PATJ: variants seen among roughly 807,000 people sequenced by gnomAD.
PATJ encodes PATJ crumbs cell polarity complex component.
In PATJ, 190 loss-of-function variants were observed where a neutral mutation model predicts 224.9. That is an observed-to-expected ratio of 0.84 (90% confidence interval 0.75 to 0.95). The LOEUF (loss-of-function observed/expected upper bound fraction) is 0.95. PATJ is among the 40% of genes least tolerant of loss of function. The pLI, the probability that PATJ is intolerant of heterozygous loss-of-function variation, is 0.00. For synonymous variants in PATJ, 769 were observed against 820.3 expected, an observed-to-expected ratio of 0.94 and a Z score of 1.07; for missense variants, 2,121 against 2,270.3, an observed-to-expected ratio of 0.93 and a Z score of 1.34.
intron 20 of PATJ, among the ~76,000 whole-genome samples, chr1:61,873,682 G>A (rs1316333178): frequency 6.6e-6 from 1 of 152,204 alleles, no homozygotes; most frequent in African/African-American, 2.4e-5. Flanking sequence ...GCGGACAAAG[G>A]CTTAGGCAGA....
intron 27 of PATJ, among the ~76,000 whole-genome samples, chr1:61,971,612 C>CA (rs750372702): frequency 2.8e-4 from 42 of 151,636 alleles, no homozygotes; most frequent in Admixed American, 5.3e-4. Flanking sequence ...GATCCTGTCT[C>CA]AAAAAATAAA....
intron 30 of PATJ, among the ~76,000 whole-genome samples, chr1:62,043,497 T>C (rs1275565732): frequency 6.6e-6 from 1 of 152,188 alleles, no homozygotes; most frequent in Non-Finnish European, 1.5e-5. Flanking sequence ...TATTAAGTAA[T>C]GTTTATAAAA....
intron 29 of PATJ, 35 bp downstream of exon 29, chr1:62,017,982 G>T: frequency 8.7e-7 from 1 of 1,146,704 alleles, no homozygotes; most frequent in Non-Finnish European, 1.3e-6. Flanking sequence ...CAAAATCAAA[G>T]ACCTCTTCTG....
At chr1:61,766,258 C>CT (rs202091739) in intron 3 of PATJ, 21 bp from the exon 4 acceptor site, 719 of 1,248,556 alleles carry the variant, frequency 5.8e-4, no homozygotes, top group Non-Finnish European at 6.5e-4. Flanking sequence ...TCTGTTGATT[C>CT]TTTTTTTTTC....
At chr1:62,128,698 C>G in intron 40 of PATJ, 143 bp from the exon 41 acceptor site, 4 of 583,152 alleles carry the variant, frequency 6.9e-6, no homozygotes, top group Non-Finnish European at 6.1e-6. Context: ...CCTCATGCTT[C>G]TTGAACATGC....
At chr1:62,007,919 C>T (rs1025113837) in intron 28 of PATJ, among the ~76,000 whole-genome samples, 1 of 152,156 alleles carries the variant, frequency 6.6e-6, no homozygotes, top group African/African-American at 2.4e-5. Flanking sequence ...TATGAATTTG[C>T]AGAGGGACAT....
intron 41 of PATJ, among the ~76,000 whole-genome samples, chr1:62,141,021 C>T (rs2476197): frequency 0.76 from 115,924 of 151,706 alleles, 44,999 homozygotes; most frequent in African/African-American, 0.9. Flanking sequence ...GGCTGTCTCC[C>T]TGCAGTACCC....
intron 31 of PATJ, among the ~76,000 whole-genome samples, chr1:62,075,917 CAAA>C (rs796303716): frequency 7.5e-5 from 6 of 79,830 alleles, no homozygotes; most frequent in Admixed American, 1.4e-4. Flanking sequence ...GACTCCGTCT[CAAA>C]AAAAAAAAAA....
intron 29 of PATJ, among the ~76,000 whole-genome samples, chr1:62,035,121 A>G (rs1364553683): frequency 6.6e-6 from 1 of 152,206 alleles, no homozygotes; most frequent in African/African-American, 2.4e-5. Context: ...CTTTACCCAC[A>G]AGTGATGGAT....
intron 23 of PATJ, among the ~76,000 whole-genome samples, chr1:61,900,714 G>A (rs1024151120): frequency 1.3e-5 from 2 of 151,672 alleles, no homozygotes; most frequent in South Asian, 2.1e-4. Context: ...CTCAGCCTCC[G>A]GAGTAGCTGG....
At chr1:61,815,487 T>C (rs765681573) in intron 14 of PATJ, among the ~76,000 whole-genome samples, 21 of 152,126 alleles carry the variant, frequency 1.4e-4, no homozygotes, top group Non-Finnish European at 2.9e-4. Flanking sequence ...AGAACAATTA[T>C]GTTTCTATGG....
At chr1:61,881,604 A>T (rs899314337) in intron 21 of PATJ, among the ~76,000 whole-genome samples, 6 of 151,428 alleles carry the variant, frequency 4.0e-5, no homozygotes, top group African/African-American at 1.5e-4. Flanking sequence ...TAGAGACGGG[A>T]TTTTGCCATG....
At chr1:61,752,165 A>G (rs1014959428) in intron 1 of PATJ, among the ~76,000 whole-genome samples, 1 of 151,168 alleles carries the variant, frequency 6.6e-6, no homozygotes, top group Non-Finnish European at 1.5e-5. Flanking sequence ...GAAGCCTACC[A>G]TATAGCAGTT....
chr1:61,941,320 C>T (rs1677782863), intron 27 of PATJ, among the ~76,000 whole-genome samples: 1 of 152,146 alleles, frequency 6.6e-6, no homozygotes, highest in African/African-American at 2.4e-5. Context: ...GTTTTATGAA[C>T]AGTTGTTGAC....
chr1:62,102,466 G>A (rs995593114), intron 33 of PATJ, among the ~76,000 whole-genome samples: 2 of 152,012 alleles, frequency 1.3e-5, no homozygotes, highest in African/African-American at 4.8e-5. Flanking sequence ...GTAATATTTT[G>A]TATTTGTCTT....
At chr1:61,757,039 G>A (rs560286695) in intron 1 of PATJ, among the ~76,000 whole-genome samples, 2 of 150,350 alleles carry the variant, frequency 1.3e-5, no homozygotes, top group African/African-American at 4.9e-5. Flanking sequence ...CCACTGTGTA[G>A]CTTGCAGACT....
intron 6 of PATJ, among the ~76,000 whole-genome samples, chr1:61,772,784 C>T (rs1221850760): frequency 3.9e-5 from 6 of 152,240 alleles, no homozygotes; most frequent in South Asian, 2.1e-4. Flanking sequence ...CTAGTGGTGT[C>T]ACACCAGGCA....
chr1:62,053,733 G>A (rs1183503232), intron 31 of PATJ, among the ~76,000 whole-genome samples: 1 of 151,730 alleles, frequency 6.6e-6, no homozygotes, highest in East Asian at 1.9e-4. Context: ...AAAAAAAAGT[G>A]TCTTGAAGAA....
intron 39 of PATJ, among the ~76,000 whole-genome samples, chr1:62,124,770 C>T (rs1665496714): frequency 6.6e-6 from 1 of 152,158 alleles, no homozygotes; most frequent in African/African-American, 2.4e-5. Context: ...CCTGGTGTCT[C>T]TCCTATGTCC....
Sources: allele counts gnomAD v4.1 joint callset (sites outside exome capture counted in the v4.1 genomes callset), GRCh38; gene constraint gnomAD v4.1.1; transcripts MANE v1.5; gene names NCBI Gene and HGNC (gene_info 2026-07-23, HGNC 2026-07-21).